The following PCDHA5 variants were observed in gnomAD, a reference collection of about 807,000 sequenced individuals.
PCDHA5 encodes protocadherin alpha-5.
Under a neutral mutation model 61.6 loss-of-function variants are expected in PCDHA5, and 43 were observed. The observed-to-expected ratio is 0.70, with a 90% CI of 0.55 to 0.90. The LOEUF is 0.90. PCDHA5 is among the 40% of genes least tolerant of loss of function. PCDHA5 has a pLI of 0.00. For synonymous variants in PCDHA5, 627 were observed against 543.9 expected (o/e 1.15, Z -2.13); for missense variants, 1,298 against 1,222.7 (o/e 1.06, Z -0.92).
intron 1 of PCDHA5, chr5:140,843,444 C>T: frequency 1.3e-6 from 2 of 1,596,146 alleles, no homozygotes; most frequent in Non-Finnish European, 1.7e-6. Flanking sequence ...TGCGCGGTAT[C>T]CAGCCTGCTG....
chr5:141,003,469 A>G (rs536017033), intron 3 of PCDHA5, among the ~76,000 whole-genome samples: 53 of 152,106 alleles, frequency 3.5e-4, no homozygotes, highest in Admixed American at 2.3e-3. Flanking sequence ...GCACCACCAC[A>G]GTCTCGCTAA....
intron 1 of PCDHA5, chr5:140,862,942 G>C (rs75462656): frequency 5.5e-6 from 3 of 542,062 alleles, no homozygotes; most frequent in Admixed American, 3.9e-5. Flanking sequence ...CTGTGAGTGA[G>C]CTGGTGCGGT....
intron 1 of PCDHA5, chr5:140,926,536 G>T (rs1420585785): frequency 4.6e-6 from 1 of 217,790 alleles, no homozygotes. Flanking sequence ...CGCAGCCAGC[G>T]TGGTGGTCGA....
At chr5:140,875,508 G>A (rs1007736035) in intron 1 of PCDHA5, 19 of 1,613,588 alleles carry the variant, frequency 1.2e-5, no homozygotes, top group Non-Finnish European at 1.6e-5. Flanking sequence ...CGGGATCCCA[G>A]CGTCTGCTGC....
rs551245842 is a variant in PCDHA5, at chr5:140,927,508, C to G, written c.2353-51441C>G. 3.7e-6 allele frequency: 6 copies of G among 1,614,074 alleles called. No individual in the cohort carries two copies. In the Admixed American group the frequency reaches 5.0e-5, roughly 13 times the overall value. ...CACCCACCTGCTGGTGCTTACAGCT[C>G]GGGACGGCGGGCTACCTGCCCGCTC... On this transcript the variant is annotated intron_variant, in intron 1 of 3. Coordinates refer to ENST00000529859, the MANE Select transcript of PCDHA5 (RefSeq NM_018908.3).
At chr5:140,968,756 G>T in intron 1 of PCDHA5, 1 of 1,614,202 alleles carries the variant, frequency 6.2e-7, no homozygotes, top group Non-Finnish European at 8.5e-7. Flanking sequence ...GGTGGTCCGA[G>T]ATAATGGAGA....
chr5:140,853,250 TTCTC>T (rs2042687770), intron 1 of PCDHA5: 1 of 976,068 alleles, frequency 1.0e-6, no homozygotes, highest in Non-Finnish European at 1.2e-6. Context: ...TTAATCTCTA[TTCTC>T]TCTCAGAGTA....
intron 1 of PCDHA5, chr5:140,882,198 G>C (rs964999330): frequency 2.0e-6 from 3 of 1,525,466 alleles, no homozygotes; most frequent in African/African-American, 2.8e-5. Context: ...ATAAAAATTG[G>C]GCCTTGAGAG....
chr5:140,860,923 G>A (rs1419430467), intron 1 of PCDHA5: 5 of 152,248 alleles, frequency 3.3e-5, no homozygotes, highest in African/African-American at 9.7e-5. Flanking sequence ...ATTTTTAGTA[G>A]AGACGAGGTT....
chr5:140,943,333 T>C (rs1337058167), intron 1 of PCDHA5, among the ~76,000 whole-genome samples: 1 of 150,974 alleles, frequency 6.6e-6, no homozygotes, highest in East Asian at 1.9e-4. Flanking sequence ...GTAGTATCCA[T>C]TGGACAGGAT....
At chr5:140,853,193 T>C in intron 1 of PCDHA5, 2 of 981,640 alleles carry the variant, frequency 2.0e-6, no homozygotes, top group Non-Finnish European at 2.5e-6. Context: ...ATGTGTTCTT[T>C]ATTATTGACG....
rs78166744 is a variant in PCDHA5, at chr5:140,875,394, G to A, written c.2352+51267G>A. Reference sequence around the variant, plus strand: ...TACTAAATATGTACTTACAGAAAAGGGTGACTGCTCATAAAATACCTCAGG... The same window carrying A: ...TACTAAATATGTACTTACAGAAAAGAGTGACTGCTCATAAAATACCTCAGG... On this transcript the variant is annotated intron_variant, in intron 1 of 3. Coordinates refer to ENST00000529859, the MANE Select transcript of PCDHA5 (RefSeq NM_018908.3). The A allele has an allele frequency of 1.4e-3, 2,104 of 1,476,976 alleles. 18 individuals carry two copies. The African/African-American group carries it at 0.02, about 14-fold the overall frequency. The allele number at this position is 1,476,976 out of a possible 1,614,324, so 91.5% of individuals were successfully genotyped here.
At chr5:140,916,508 T>G (rs2077594251) in intron 1 of PCDHA5, among the ~76,000 whole-genome samples, 1 of 152,200 alleles carries the variant, frequency 6.6e-6, no homozygotes, top group Non-Finnish European at 1.5e-5. Context: ...GTGATTAATC[T>G]TGCCAAGACT....
chr5:140,836,668 A>G (rs1404155432), intron 1 of PCDHA5: 5 of 1,613,218 alleles, frequency 3.1e-6, no homozygotes, highest in East Asian at 4.5e-5. Context: ...TGCTCTGGGG[A>G]GGGCCCACCC....
In PCDHA5 at chr5:141,011,084, C is replaced by T. The variant is rs928216799; in HGVS notation, c.*1147C>T. 1.3e-5 allele frequency: 2 copies of T among 153,722 alleles called. No homozygotes were observed. The highest frequency in any genetic ancestry group is 6.5e-5 in the Admixed American group (1 of 15,272). The allele number at this position is 153,722 out of a possible 1,614,324, so 9.5% of individuals were successfully genotyped here. A position where few individuals can be genotyped will look rare whatever the true frequency, so the allele number is the denominator to read the frequency against. ...CATGTATTACTAAATAAAATGATCT[C>T]TCTTTCTCTCTCTCTCTCTCTTTTC... On this transcript the variant is annotated 3_prime_UTR_variant, in exon 4 of 4. Coordinates refer to ENST00000529859, the MANE Select transcript of PCDHA5 (RefSeq NM_018908.3).
At chr5:140,834,585 T>C in intron 1 of PCDHA5, 1 of 1,614,126 alleles carries the variant, frequency 6.2e-7, no homozygotes, top group South Asian at 1.1e-5. Context: ...CCGGGCGGTG[T>C]GCAAATTCCG....
At position 140,822,970 on chromosome 5, in the gene PCDHA5, A is replaced by C. The variant is rs2150120845; in HGVS notation, c.1195A>C (p.Thr399Pro). 1.5e-5 allele frequency: 24 copies of C among 1,614,206 alleles called. No individual in the cohort carries two copies. The East Asian group carries it at 5.1e-4, about 34-fold the overall frequency. The stretch of plus-strand genomic sequence containing the variant: ...CCACGTTCCCTTCAAGCTGGTGTCC[A>C]CCTTCAAGAATTACTACTCGTTGGT... ...MPHVPFKLVSTFKNYYSLVLD... is the reference protein window; with the variant it reads ...MPHVPFKLVSPFKNYYSLVLD... Residue 399 changes from threonine (T) to proline (P), a missense_variant, in exon 1 of 4, where the codon ACC (threonine) becomes CCC (proline). Physicochemically the swap from Thr to Pro is conservative, Grantham distance 38 (BLOSUM62 -1). Transcript: ENST00000529859.
At chr5:140,884,410 G>GT in intron 1 of PCDHA5, 1 of 1,614,008 alleles carries the variant, frequency 6.2e-7, no homozygotes, top group Non-Finnish European at 8.5e-7. Context: ...TGGTGCTCAC[G>GT]TTGCTGCTGT....
At chr5:140,876,509 A>G (rs782112140) in intron 1 of PCDHA5, 2 of 1,614,020 alleles carry the variant, frequency 1.2e-6, no homozygotes, top group South Asian at 2.2e-5. Flanking sequence ...GTGAATGACA[A>G]TGTCCCTGAA....
Sources: allele counts gnomAD v4.1 joint callset (sites outside exome capture counted in the v4.1 genomes callset), GRCh38; gene constraint gnomAD v4.1.1; transcripts MANE v1.5; gene names NCBI Gene and HGNC (gene_info 2026-07-23, HGNC 2026-07-21).